The following SEMA5A variants were observed in gnomAD, a reference collection of about 807,000 sequenced individuals.
The protein encoded by SEMA5A is semaphorin-5A.
In SEMA5A, 55 loss-of-function variants were observed where a neutral mutation model predicts 135.5. The observed-to-expected ratio is 0.41, with a 90% CI of 0.33 to 0.51. SEMA5A has a LOEUF of 0.51. SEMA5A is among the 20% of genes least tolerant of loss of function. The pLI is 0.37. For synonymous variants in SEMA5A, 580 were observed against 546.5 expected (o/e 1.06, Z -0.85); for missense variants, 1,290 against 1,419.9 (o/e 0.91, Z 1.47).
intron 11 of SEMA5A, among the ~76,000 whole-genome samples, chr5:9,161,781 C>T (rs72741929): frequency 0.11 from 16,969 of 152,242 alleles, 1,059 homozygotes; most frequent in South Asian, 0.16. Context: ...TTGAACCTTG[C>T]CCTATTTTTC....
At chr5:9,111,294 CA>C (rs1740225585) in intron 15 of SEMA5A, among the ~76,000 whole-genome samples, 1 of 151,976 alleles carries the variant, frequency 6.6e-6, no homozygotes, top group African/African-American at 2.4e-5. Flanking sequence ...AAAACAACAA[CA>C]AAAAAATGGG....
intron 2 of SEMA5A, among the ~76,000 whole-genome samples, chr5:9,406,218 T>C (rs1320130061): frequency 6.6e-6 from 1 of 152,242 alleles, no homozygotes; most frequent in Non-Finnish European, 1.5e-5. Flanking sequence ...GGCAATGACT[T>C]ACTTACTGCT....
intron 2 of SEMA5A, among the ~76,000 whole-genome samples, chr5:9,410,951 A>G (rs1321705251): frequency 6.7e-6 from 1 of 149,836 alleles, no homozygotes; most frequent in African/African-American, 2.4e-5. Flanking sequence ...TTTATTCTTG[A>G]GTTATAGCAA....
At chr5:9,087,763 C>G (rs575497484) in intron 16 of SEMA5A, among the ~76,000 whole-genome samples, 1 of 152,062 alleles carries the variant, frequency 6.6e-6, no homozygotes. Flanking sequence ...TAGAAGTTGC[C>G]TAATAAGGTG....
rs145765019 is a variant in SEMA5A, at chr5:9,274,365, T to G, written c.271-36475A>C. On this transcript the variant is annotated intron_variant, in intron 5 of 22. Transcript: ENST00000382496. ...AGTTCTTAGAGACCTACAAAGAGAC[T>G]TAGACTCCTACACGATAGTGGGATA... Among the ~76,000 whole-genome samples the G allele has an allele frequency of 7.7e-3, 1,174 of 152,182 alleles. 17 individuals carry two copies. The highest frequency in any genetic ancestry group is 0.027 in the African/African-American group (1,104 of 41,540).
At chr5:9,357,632 G>T (rs1317924182) in intron 3 of SEMA5A, among the ~76,000 whole-genome samples, 1 of 152,190 alleles carries the variant, frequency 6.6e-6, no homozygotes, top group African/African-American at 2.4e-5. Flanking sequence ...CAAATGTTGA[G>T]TCTGTTAAAA....
At chr5:9,525,027 T>G (rs1325177604) in intron 1 of SEMA5A, among the ~76,000 whole-genome samples, 1 of 152,218 alleles carries the variant, frequency 6.6e-6, no homozygotes, top group Non-Finnish European at 1.5e-5. Flanking sequence ...GTTGTTTGAA[T>G]CATATGAAAT....
At chr5:9,182,160 CAAAA>C in intron 11 of SEMA5A, among the ~76,000 whole-genome samples, 1 of 138,512 alleles carries the variant, frequency 7.2e-6, no homozygotes, top group African/African-American at 2.9e-5. Context: ...CCCCCCACCC[CAAAA>C]AAAAATACGC....
intron 20 of SEMA5A, among the ~76,000 whole-genome samples, chr5:9,050,773 C>G (rs977229543): frequency 1.3e-5 from 2 of 152,210 alleles, no homozygotes; most frequent in East Asian, 1.9e-4. Context: ...GGGATCCCCC[C>G]ACTCTGCCCA....
intron 5 of SEMA5A, among the ~76,000 whole-genome samples, chr5:9,290,863 C>T (rs1237708679): frequency 6.6e-6 from 1 of 152,078 alleles, no homozygotes; most frequent in Non-Finnish European, 1.5e-5. Flanking sequence ...AAATACTCTC[C>T]CATGTTAAAT....
intron 4 of SEMA5A, among the ~76,000 whole-genome samples, chr5:9,323,340 T>C (rs1752713033): frequency 1.3e-5 from 2 of 152,236 alleles, no homozygotes; most frequent in African/African-American, 4.8e-5. Flanking sequence ...TTTTCATGTG[T>C]TATTTTTCAC....
chr5:9,277,178 G>A (rs1443935508), intron 5 of SEMA5A, among the ~76,000 whole-genome samples: 1 of 152,104 alleles, frequency 6.6e-6, no homozygotes, highest in East Asian at 1.9e-4. Context: ...CTTCTCAAAA[G>A]AAGACATTTA....
chr5:9,523,274 C>T (rs906427972), intron 1 of SEMA5A: 4 of 152,070 alleles, frequency 2.6e-5, no homozygotes, highest in African/African-American at 9.7e-5. Flanking sequence ...TTTTCCAGAG[C>T]CTTATCCTAT....
chr5:9,263,711 A>G (rs1749527264), intron 5 of SEMA5A, among the ~76,000 whole-genome samples: 1 of 152,154 alleles, frequency 6.6e-6, no homozygotes. Context: ...AATGCCTATG[A>G]TCTGTACTTT....
At chr5:9,216,049 C>T (rs1038724618) in intron 8 of SEMA5A, among the ~76,000 whole-genome samples, 1 of 152,018 alleles carries the variant, frequency 6.6e-6, no homozygotes, top group African/African-American at 2.4e-5. Context: ...TTGATTTGTT[C>T]CTGTTTCTCT....
chr5:9,273,092 A>C (rs530806201), intron 5 of SEMA5A, among the ~76,000 whole-genome samples: 1 of 152,292 alleles, frequency 6.6e-6, no homozygotes, highest in African/African-American at 2.4e-5. Context: ...AACCCAATGC[A>C]AGGAAGCTAA....
chr5:9,373,602 T>C (rs1755233528), intron 3 of SEMA5A, among the ~76,000 whole-genome samples: 1 of 152,176 alleles, frequency 6.6e-6, no homozygotes, highest in Non-Finnish European at 1.5e-5. Context: ...GAGGACACTC[T>C]ACAGGAACAT....
chr5:9,143,253 T>A (rs962114573), intron 12 of SEMA5A, among the ~76,000 whole-genome samples: 2 of 152,214 alleles, frequency 1.3e-5, no homozygotes, highest in Admixed American at 1.3e-4. Context: ...TATGGATTTC[T>A]GAGGTAGTTG....
chr5:9,423,040 G>T (rs1219102403), intron 2 of SEMA5A, among the ~76,000 whole-genome samples: 21 of 152,122 alleles, frequency 1.4e-4, no homozygotes, highest in Admixed American at 1.4e-3. Context: ...GTATTTTACT[G>T]CCCTCAGTGA....
Sources: gnomAD v4.1 joint callset for allele counts (sites outside exome capture counted in the v4.1 genomes callset) on GRCh38, gnomAD v4.1.1 for gene constraint, MANE v1.5 for transcripts, NCBI Gene and HGNC (gene_info 2026-07-23, HGNC 2026-07-21) for gene names.